The following COBLL1 variants were observed in gnomAD, a reference collection of about 807,000 sequenced individuals.
COBLL1 encodes the protein cordon-bleu WH2 repeat protein like 1.
Under a neutral mutation model 94.8 loss-of-function variants are expected in COBLL1, and 50 were observed. That is an observed-to-expected ratio of 0.53 (90% confidence interval 0.42 to 0.67). The LOEUF is 0.67. Ranked by LOEUF, COBLL1 falls within the 30% of genes least tolerant of loss-of-function variation. The probability of loss-of-function intolerance (pLI) is 0.00; values close to 1 mark genes in which losing one functional copy is unlikely to be tolerated. For synonymous variants in COBLL1, 448 were observed against 473.8 expected (o/e 0.95, Z 0.71); for missense variants, 1,362 against 1,348.7 (o/e 1.01, Z -0.15).
At chr2:164,743,218 T>C (rs1263834112) in intron 3 of COBLL1, 1 of 152,848 alleles carries the variant, frequency 6.5e-6, no homozygotes, top group African/African-American at 2.4e-5. Flanking sequence ...TTTTGATACA[T>C]ACAAAAGTAT....
At chr2:164,795,490 A>ATAAAG (rs1683400002) in intron 2 of COBLL1, among the ~76,000 whole-genome samples, 3 of 152,134 alleles carry the variant, frequency 2.0e-5, no homozygotes, top group Admixed American at 6.5e-5. Context: ...ATATCTTCTA[A>ATAAAG]ATTTTTCTTA....
At chr2:164,670,853 G>A (rs1265616097) in intron 1 of COBLL1, among the ~76,000 whole-genome samples, 1 of 152,174 alleles carries the variant, frequency 6.6e-6, no homozygotes, top group East Asian at 1.9e-4. Flanking sequence ...GAACTCATGA[G>A]GAATGGAGAA....
chr2:164,838,848 C>T (rs1249116831), intron 2 of COBLL1, among the ~76,000 whole-genome samples: 2 of 152,130 alleles, frequency 1.3e-5, no homozygotes, highest in Admixed American at 6.5e-5. Flanking sequence ...AATTTATCTC[C>T]AAAACCTAAC....
chr2:164,713,564 GC>G (rs1033227098), intron 7 of COBLL1, among the ~76,000 whole-genome samples: 17 of 152,190 alleles, frequency 1.1e-4, no homozygotes, highest in African/African-American at 4.1e-4. Context: ...ATTCTGAGTG[GC>G]CAAGCTTGCC....
chr2:164,721,873 T>C, intron 7 of COBLL1: 1 of 375,336 alleles, frequency 2.7e-6, no homozygotes, highest in Non-Finnish European at 4.7e-6. Flanking sequence ...ATCACAGACC[T>C]GTATGTACAT....
intron 2 of COBLL1, among the ~76,000 whole-genome samples, chr2:164,805,313 CTCTCTCTCTCTCTCTCTCTCTCTCTATA>C (rs1458289867): frequency 2.0e-4 from 7 of 35,558 alleles, no homozygotes; most frequent in African/African-American, 8.1e-4. Context: ...CTCTCTCTCT[CTCTCTCTCTCTCTCTCTCTCTCTCTATA>C]TATATATATA....
intron 5 of COBLL1, among the ~76,000 whole-genome samples, chr2:164,726,018 G>A (rs1685707870): frequency 6.6e-6 from 1 of 152,174 alleles, no homozygotes; most frequent in African/African-American, 2.4e-5. Context: ...TTCTGATACT[G>A]TAAACTTTCT....
intron 2 of COBLL1, among the ~76,000 whole-genome samples, chr2:164,806,032 C>T (rs563751656): frequency 9.2e-4 from 140 of 152,200 alleles, no homozygotes; most frequent in Non-Finnish European, 1.7e-3. Flanking sequence ...TAGGTGTTTA[C>T]ATATTTTCTA....
intron 2 of COBLL1, among the ~76,000 whole-genome samples, chr2:164,801,867 T>C (rs994228793): frequency 6.6e-6 from 1 of 152,194 alleles, no homozygotes; most frequent in Non-Finnish European, 1.5e-5. Flanking sequence ...GGCAGAATAA[T>C]GGCATCCAGA....
chr2:164,773,024 C>A (rs1276857929), intron 2 of COBLL1, among the ~76,000 whole-genome samples: 2 of 92,664 alleles, frequency 2.2e-5, no homozygotes, highest in African/African-American at 5.8e-5. Flanking sequence ...CTAAAGGATT[C>A]TTTATTTTTT....
intron 2 of COBLL1, among the ~76,000 whole-genome samples, chr2:164,766,234 A>G (rs1331552938): frequency 1.3e-5 from 2 of 152,178 alleles, no homozygotes; most frequent in African/African-American, 4.8e-5. Flanking sequence ...GCTATTATGA[A>G]TAATGCTGCT....
chr2:164,665,286 C>T (rs1691137115), intron 2 of COBLL1, among the ~76,000 whole-genome samples: 1 of 145,814 alleles, frequency 6.9e-6, no homozygotes, highest in South Asian at 2.2e-4. Flanking sequence ...GCTGAAATCG[C>T]ACCACTGCAC....
chr2:164,672,559 C>A (rs555028940), intron 1 of COBLL1, among the ~76,000 whole-genome samples: 1 of 151,434 alleles, frequency 6.6e-6, no homozygotes, highest in Non-Finnish European at 1.5e-5. Flanking sequence ...ATTAGCCGGG[C>A]GCGGTGGCGG....
At chr2:164,734,362 T>G (rs1478225587) in intron 3 of COBLL1, among the ~76,000 whole-genome samples, 1 of 152,088 alleles carries the variant, frequency 6.6e-6, no homozygotes, top group Non-Finnish European at 1.5e-5. Context: ...GCTCTAAGTG[T>G]TTAAAGAAAA....
At chr2:164,816,137 T>C (rs951595608) in intron 2 of COBLL1, among the ~76,000 whole-genome samples, 1 of 151,458 alleles carries the variant, frequency 6.6e-6, no homozygotes, top group Non-Finnish European at 1.5e-5. Context: ...AGAAATGCAT[T>C]TGGTTTGAGG....
At chr2:164,762,768 C>G (rs1687746321) in intron 2 of COBLL1, among the ~76,000 whole-genome samples, 1 of 148,696 alleles carries the variant, frequency 6.7e-6, no homozygotes, top group South Asian at 2.1e-4. Context: ...GCGATCTCGA[C>G]TCACTGCAAG....
rs1683590156 is a variant in COBLL1, at chr2:164,841,214, C to A, written c.-18G>T. 6 of 1,231,498 alleles carry A rather than the reference C, an allele frequency of 4.9e-6. No individual in the cohort carries two copies. Among genetic ancestry groups the A allele is most frequent in the South Asian group, 4.1e-5 (1 of 24,412 alleles). The allele number at this position is 1,231,498 out of a possible 1,614,324, so 76.3% of individuals were successfully genotyped here. A position where few individuals can be genotyped will look rare whatever the true frequency, so the allele number is the denominator to read the frequency against. On this transcript the variant is annotated 5_prime_UTR_variant, in exon 2 of 14. Coordinates refer to ENST00000652658, the MANE Select transcript of COBLL1 (RefSeq NM_001365672.2). The surrounding 1 kb of genome is among the most constrained non-coding windows in gnomAD (Gnocchi z 5.5). ...CCGTCCATCGCCCTGCGGGGCGCTG[C>A]GCGGGCTCCAGCTCCCAGGCGGCGC...
At chr2:164,813,780 C>CT (rs1684575836) in intron 2 of COBLL1, among the ~76,000 whole-genome samples, 1 of 152,138 alleles carries the variant, frequency 6.6e-6, no homozygotes, top group Non-Finnish European at 1.5e-5. Flanking sequence ...TCAGCAAAAT[C>CT]TTTTTTATAT....
intron 2 of COBLL1, among the ~76,000 whole-genome samples, chr2:164,769,872 A>C (rs1407493398): frequency 1.3e-5 from 2 of 152,168 alleles, no homozygotes; most frequent in African/African-American, 4.8e-5. Context: ...TCAAAGAACC[A>C]ACAGTTTATT....
Sources: allele counts gnomAD v4.1 joint callset (sites outside exome capture counted in the v4.1 genomes callset), GRCh38; gene constraint gnomAD v4.1.1; non-coding constraint Gnocchi (gnomAD v3.1); transcripts MANE v1.5; gene names NCBI Gene and HGNC (gene_info 2026-07-23, HGNC 2026-07-21).